Variants in LNPEP observed in about 807,000 individuals in gnomAD.
LNPEP encodes the protein leucyl-cystinyl aminopeptidase.
LNPEP carries 64 observed loss-of-function variants against 120.6 expected under a neutral mutation model. That is an observed-to-expected ratio of 0.53 (90% CI 0.43 to 0.65). The LOEUF is 0.65. Among genes scored for constraint, LNPEP ranks in the 30% least tolerant of loss-of-function variants. LNPEP has a pLI of 0.00. For missense variants in LNPEP, 1,057 were observed against 1,200.0 expected, an observed-to-expected ratio of 0.88 and a Z score of 1.76; for synonymous variants, 435 against 425.4, an observed-to-expected ratio of 1.02 and a Z score of -0.28.
Position 97,033,251 on chromosome 5 carries a change from G to A in LNPEP, c.*4718G>A, listed in dbSNP as rs1452072351. ...CTCATCCCTTATTGACTGCTGGGCAGTAGCTAACAGAGTAGTTGTCAAGTG... is the reference window on the plus strand; with the variant it reads ...CTCATCCCTTATTGACTGCTGGGCAATAGCTAACAGAGTAGTTGTCAAGTG... On this transcript the variant is annotated 3_prime_UTR_variant, in exon 18 of 18. Coordinates refer to ENST00000231368, the MANE Select transcript of LNPEP (RefSeq NM_005575.3). The A allele has an allele frequency of 6.6e-6, 1 of 152,126 alleles. No homozygotes were observed. The highest frequency in any genetic ancestry group is 1.5e-5 in the Non-Finnish European group (1 of 68,030). 9.4% of individuals were successfully genotyped at this position (152,126 alleles called of 1,614,324 possible). A position where few individuals can be genotyped will look rare whatever the true frequency, so the allele number is the denominator to read the frequency against.
intron 1 of LNPEP, among the ~76,000 whole-genome samples, chr5:96,970,712 T>C (rs1789839901): frequency 6.6e-6 from 1 of 152,078 alleles, no homozygotes; most frequent in East Asian, 1.9e-4. Context: ...GTGTTTCTTC[T>C]AGGATTAATA....
In LNPEP at chr5:97,032,660, A is replaced by G. The variant is rs1273693020; in HGVS notation, c.*4127A>G. 6.6e-6 allele frequency: 1 copy of G among 152,174 alleles called. No individual in the cohort carries two copies. Among genetic ancestry groups the G allele is most frequent in the African/African-American group, 2.4e-5 (1 of 41,442 alleles). The allele number at this position is 152,174 out of a possible 1,614,324, so 9.4% of individuals were successfully genotyped here. A position where few individuals can be genotyped will look rare whatever the true frequency, so the allele number is the denominator to read the frequency against. On this transcript the variant is annotated 3_prime_UTR_variant, in exon 18 of 18. Coordinates refer to ENST00000231368, the MANE Select transcript of LNPEP (RefSeq NM_005575.3). The stretch of plus-strand genomic sequence containing the variant: ...TTTGGAAGAAGGTGGTGATGTTGAG[A>G]GGAGAGCAAGCTATATTCTTTTAAA...
At position 97,033,415 on chromosome 5, in the gene LNPEP, G is replaced by A. The variant is rs1241524947; in HGVS notation, c.*4882G>A. 1 of 152,242 alleles carries A rather than the reference G, an allele frequency of 6.6e-6. No individual in the cohort carries two copies. Among genetic ancestry groups the A allele is most frequent in the Admixed American group, 6.5e-5 (1 of 15,290 alleles). 9.4% of individuals were successfully genotyped at this position (152,242 alleles called of 1,614,324 possible). ...CCTAATGAACCATGGAGTTCCGGAT[G>A]TATAACAGTCTCCTCTTTTCCCTTT... On this transcript the variant is annotated 3_prime_UTR_variant, in exon 18 of 18. Transcript: ENST00000231368.
Position 96,988,339 on chromosome 5 carries a change from C to CTTTTTTTTTTTTTT in LNPEP, c.1131+1672_1131+1685dup, listed in dbSNP as rs201343272. On this transcript the variant is annotated intron_variant, in intron 4 of 17. Coordinates refer to ENST00000231368, the MANE Select transcript of LNPEP (RefSeq NM_005575.3). ...GATCTTTCTTTTTTCTTTTTCTTTT[C>CTTTTTTTTTTTTTT]TTTTTTTTTTTTTTTTGAGACAGAG... is the stretch of plus-strand genomic sequence containing the variant. Among the ~76,000 whole-genome samples, 91 of 125,186 alleles carry CTTTTTTTTTTTTTT rather than the reference C, an allele frequency of 7.3e-4. 1 individual carries two copies. Among genetic ancestry groups the CTTTTTTTTTTTTTT allele is most frequent in the Non-Finnish European group, 9.1e-4 (56 of 61,538 alleles). 82.1% of individuals were successfully genotyped at this position (125,186 alleles called of 152,430 possible).
intron 9 of LNPEP, among the ~76,000 whole-genome samples, chr5:97,005,405 G>A (rs1371754045): frequency 6.6e-6 from 1 of 151,910 alleles, no homozygotes; most frequent in Non-Finnish European, 1.5e-5. Flanking sequence ...GGTCTGCAAA[G>A]CTCTGACACT....
intron 13 of LNPEP, among the ~76,000 whole-genome samples, chr5:97,016,921 G>A (rs761138469): frequency 2.6e-5 from 4 of 152,052 alleles, no homozygotes; most frequent in African/African-American, 4.8e-5. Context: ...AGACATTTGC[G>A]TTATTTGTAG....
chr5:96,993,586 C>T (rs916210239), intron 5 of LNPEP, among the ~76,000 whole-genome samples: 2 of 152,168 alleles, frequency 1.3e-5, no homozygotes, highest in Admixed American at 1.3e-4. Context: ...TTAGGCATCT[C>T]TTTCTTCACT....
intron 1 of LNPEP, among the ~76,000 whole-genome samples, chr5:96,967,444 G>A (rs10076136): frequency 2.0e-5 from 3 of 151,654 alleles, no homozygotes; most frequent in South Asian, 2.1e-4. Flanking sequence ...TGTGCCTGGC[G>A]TCTTCACTAT....
chr5:96,991,683 A>C (rs1790391877), intron 4 of LNPEP, among the ~76,000 whole-genome samples: 1 of 151,914 alleles, frequency 6.6e-6, no homozygotes, highest in South Asian at 2.1e-4. Flanking sequence ...GATTTGTTTG[A>C]GTTCCTTTTA....
At chr5:96,996,194 A>G in intron 6 of LNPEP, 196 bp from the exon 7 acceptor site, 5 of 402,546 alleles carry the variant, frequency 1.2e-5, no homozygotes, top group Non-Finnish European at 2.2e-5. Flanking sequence ...ATTATATTTT[A>G]TTTTTAAAGT....
intron 1 of LNPEP, among the ~76,000 whole-genome samples, 167 bp from the exon 2 acceptor site, chr5:96,978,971 A>G (rs894926255): frequency 1.3e-5 from 2 of 152,194 alleles, no homozygotes; most frequent in East Asian, 1.9e-4. Flanking sequence ...GGATGACTCA[A>G]TGGTATAAAC....
chr5:97,016,705 A>G (rs956986030), intron 13 of LNPEP, among the ~76,000 whole-genome samples: 15 of 152,210 alleles, frequency 9.9e-5, no homozygotes, highest in Non-Finnish European at 1.5e-5. Context: ...TTGTTCTCCT[A>G]AAAATGAAAT....
intron 1 of LNPEP, among the ~76,000 whole-genome samples, chr5:96,952,151 A>G (rs1432695961): frequency 6.6e-6 from 1 of 152,202 alleles, no homozygotes; most frequent in Non-Finnish European, 1.5e-5. Flanking sequence ...TAAAAAAAAG[A>G]GAATTATTAT....
At chr5:96,976,634 T>C (rs1358012443) in intron 1 of LNPEP, among the ~76,000 whole-genome samples, 1 of 152,078 alleles carries the variant, frequency 6.6e-6, no homozygotes, top group Non-Finnish European at 1.5e-5. Flanking sequence ...ACAGAACCCA[T>C]TGTTGTCTGC....
At position 97,034,569 on chromosome 5, in the gene LNPEP, C is replaced by G. The variant is rs920451497; in HGVS notation, c.*6036C>G. 35 of 151,648 alleles carry G rather than the reference C, an allele frequency of 2.3e-4. No individual in the cohort carries two copies. Among genetic ancestry groups the G allele is most frequent in the African/African-American group, 8.0e-4 (33 of 41,272 alleles). The allele number at this position is 151,648 out of a possible 1,614,324, so 9.4% of individuals were successfully genotyped here. ...TCAAATGTAATGAGGGACCCAGACC[C>G]GAGAGTGTGGTAAATATTCTTTGCC... is the stretch of plus-strand genomic sequence containing the variant. On this transcript the variant is annotated 3_prime_UTR_variant, in exon 18 of 18. Coordinates refer to ENST00000231368, the MANE Select transcript of LNPEP (RefSeq NM_005575.3).
intron 1 of LNPEP, among the ~76,000 whole-genome samples, chr5:96,941,717 G>A (rs1292071690): frequency 6.6e-6 from 1 of 152,146 alleles, no homozygotes; most frequent in Non-Finnish European, 1.5e-5. Flanking sequence ...TGGAAGGGTG[G>A]ACAGGATTCC....
chr5:96,939,598 T>C (rs889095476), intron 1 of LNPEP, among the ~76,000 whole-genome samples: 1 of 39,070 alleles, frequency 2.6e-5, no homozygotes, highest in African/African-American at 1.3e-4. Flanking sequence ...ACTGAAAACA[T>C]AAATAGTTTT....
At chr5:97,022,610 C>A in intron 14 of LNPEP, 126 bp downstream of exon 14, 3 of 727,022 alleles carry the variant, frequency 4.1e-6, no homozygotes, top group African/African-American at 1.8e-5. Flanking sequence ...TAGGTGAACT[C>A]TATGTATCTG....
intron 1 of LNPEP, among the ~76,000 whole-genome samples, chr5:96,978,185 G>A (rs1353576899): frequency 6.6e-6 from 1 of 151,838 alleles, no homozygotes; most frequent in Non-Finnish European, 1.5e-5. Context: ...AACATTGAAC[G>A]ATCTAATCCT....
Sources: allele counts gnomAD v4.1 joint callset (sites outside exome capture counted in the v4.1 genomes callset), GRCh38; gene constraint gnomAD v4.1.1; transcripts MANE v1.5; gene names NCBI Gene and HGNC (gene_info 2026-07-23, HGNC 2026-07-21).